RYR3: variants seen among roughly 807,000 people sequenced by gnomAD.
The protein encoded by RYR3 is brain ryanodine receptor-calcium release channel.
A neutral mutation model predicts 584.3 loss-of-function variants in RYR3; 207 were observed. That is an observed-to-expected ratio of 0.35 (90% CI 0.32 to 0.40). The LOEUF is 0.40. Among genes scored for constraint, RYR3 ranks in the 10% least tolerant of loss-of-function variants. RYR3 has a pLI of 1.00. For missense variants in RYR3, 5,616 were observed against 6,089.2 expected, an observed-to-expected ratio of 0.92 and a Z score of 2.59; for synonymous variants, 2,416 against 2,248.5, an observed-to-expected ratio of 1.07 and a Z score of -2.11.
intron 1 of RYR3, among the ~76,000 whole-genome samples, chr15:33,384,189 C>A (rs994415644): frequency 9.2e-5 from 14 of 151,976 alleles, no homozygotes; most frequent in Admixed American, 9.2e-4. Context: ...GCTTTTGGAC[C>A]CAGACCGAGG....
chr15:33,783,717 A>G (rs1596565716), intron 65 of RYR3, among the ~76,000 whole-genome samples: 2 of 152,098 alleles, frequency 1.3e-5, no homozygotes, highest in South Asian at 2.1e-4. Flanking sequence ...TCAAGGTAGA[A>G]TGTTTGACTT....
chr15:33,563,217 C>A (rs932082740), intron 11 of RYR3, among the ~76,000 whole-genome samples: 1 of 152,136 alleles, frequency 6.6e-6, no homozygotes, highest in Non-Finnish European at 1.5e-5. Flanking sequence ...GGGGAAAAAA[C>A]AAATACACAG....
At chr15:33,812,473 G>T (rs1279232393) in intron 72 of RYR3, among the ~76,000 whole-genome samples, 2 of 151,964 alleles carry the variant, frequency 1.3e-5, no homozygotes, top group African/African-American at 4.8e-5. Flanking sequence ...AAGAAGGGGA[G>T]ATGGGTTTGA....
chr15:33,460,940 C>CTTTTTTTTTTT lies in RYR3; in HGVS notation c.52-12467_52-12457dup, dbSNP rs66742049. 3.4e-3 allele frequency among the ~76,000 whole-genome samples: 273 copies of CTTTTTTTTTTT among 79,202 alleles called. 47 individuals carry two copies. Among genetic ancestry groups the CTTTTTTTTTTT allele is most frequent in the African/African-American group, 0.013 (228 of 17,462 alleles). 52.0% of individuals were successfully genotyped at this position (79,202 alleles called of 152,430 possible). A position where few individuals can be genotyped will look rare whatever the true frequency, so the allele number is the denominator to read the frequency against. On this transcript the variant is annotated intron_variant, in intron 1 of 103. Transcript: ENST00000634891. ...GGAATTTGTGGCACATAATATCCAC[C>CTTTTTTTTTTT]TTTTTTTTTTTTTTTTTTTTTTAAG...
chr15:33,657,501 G>T (rs1433269063), intron 32 of RYR3, among the ~76,000 whole-genome samples: 1 of 152,222 alleles, frequency 6.6e-6, no homozygotes, highest in Non-Finnish European at 1.5e-5. Flanking sequence ...CACATATTGG[G>T]CATTTGAGAA....
At chr15:33,745,212 C>A (rs1436576783) in intron 52 of RYR3, among the ~76,000 whole-genome samples, 1 of 152,076 alleles carries the variant, frequency 6.6e-6, no homozygotes, top group Non-Finnish European at 1.5e-5. Flanking sequence ...TCCAGGGGAC[C>A]CACGAGGAGA....
chr15:33,837,627 A>G lies in RYR3; in HGVS notation c.11651-4A>G. 6.4e-7 allele frequency: 1 copy of G among 1,573,838 alleles called. No homozygotes were observed. Among genetic ancestry groups the G allele is most frequent in the Non-Finnish European group, 8.6e-7 (1 of 1,160,034 alleles). ...TTGTATGTCTTTTTGAACCTGCCTC[A>G]CAGGGAATGTGGTAAATGGCACCAT... On this transcript the variant is annotated splice_polypyrimidine_tract_variant and splice_region_variant and intron_variant, in intron 88 of 103. Coordinates refer to ENST00000634891, the MANE Select transcript of RYR3 (RefSeq NM_001036.6).
chr15:33,713,479 G>T (rs970329842), intron 43 of RYR3, among the ~76,000 whole-genome samples: 1 of 151,768 alleles, frequency 6.6e-6, no homozygotes, highest in Non-Finnish European at 1.5e-5. Context: ...GGGTTATAAG[G>T]GTGAGTGTGG....
At chr15:33,525,058 C>T (rs1254646336) in intron 3 of RYR3, among the ~76,000 whole-genome samples, 1 of 152,162 alleles carries the variant, frequency 6.6e-6, no homozygotes, top group East Asian at 1.9e-4. Context: ...CCGTTGCATG[C>T]TAGTTGTTTT....
chr15:33,770,713 C>A (rs1333527571), intron 62 of RYR3, among the ~76,000 whole-genome samples: 1 of 151,810 alleles, frequency 6.6e-6, no homozygotes, highest in African/African-American at 2.4e-5. Context: ...CCAGCCTATG[C>A]AACGGAGTGA....
At chr15:33,409,347 TAAAAA>T (rs35423415) in intron 1 of RYR3, among the ~76,000 whole-genome samples, 12 of 141,824 alleles carry the variant, frequency 8.5e-5, no homozygotes, top group African/African-American at 3.1e-4. Flanking sequence ...TCAAAAAATC[TAAAAA>T]AAAAAAAAAG....
chr15:33,722,517 G>A, intron 43 of RYR3, 198 bp from the exon 44 acceptor site: 2 of 592,922 alleles, frequency 3.4e-6, no homozygotes, highest in Non-Finnish European at 5.9e-6. Flanking sequence ...AGTGAGTGGG[G>A]TTTATAACTA....
intron 2 of RYR3, among the ~76,000 whole-genome samples, chr15:33,481,178 C>T (rs1225359578): frequency 6.6e-6 from 1 of 151,938 alleles, no homozygotes; most frequent in Admixed American, 6.6e-5. Context: ...CAGTTTTTTA[C>T]CTTATGTATG....
intron 10 of RYR3, among the ~76,000 whole-genome samples, chr15:33,561,082 A>C (rs137992323): frequency 1.3e-5 from 2 of 152,390 alleles, no homozygotes; most frequent in Non-Finnish European, 2.9e-5. Context: ...AATGAAAAAT[A>C]AATGTGAAAG....
chr15:33,396,208 T>C (rs954880328), intron 1 of RYR3, among the ~76,000 whole-genome samples: 1 of 152,190 alleles, frequency 6.6e-6, no homozygotes, highest in Non-Finnish European at 1.5e-5. Context: ...CCCAGAATAG[T>C]ATACTTCACT....
chr15:33,704,755 G>A (rs1171405574), intron 42 of RYR3, among the ~76,000 whole-genome samples: 3 of 152,198 alleles, frequency 2.0e-5, no homozygotes, highest in Non-Finnish European at 4.4e-5. Flanking sequence ...GTGTTGCTCA[G>A]CAAAGACATG....
chr15:33,811,865 GT>G (rs1237966039), intron 72 of RYR3, among the ~76,000 whole-genome samples: 1 of 152,148 alleles, frequency 6.6e-6, no homozygotes, highest in African/African-American at 2.4e-5. Context: ...TATTTGAGAT[GT>G]TTTAAAGCCT....
At chr15:33,841,756 T>C (rs1253653307) in intron 90 of RYR3, 108 bp from the exon 91 acceptor site, 1 of 1,132,488 alleles carries the variant, frequency 8.8e-7, no homozygotes, top group African/African-American at 1.6e-5. Flanking sequence ...CAAGGAATGA[T>C]TCTACCTCCC....
At chr15:33,425,838 T>A (rs1467884698) in intron 1 of RYR3, among the ~76,000 whole-genome samples, 3 of 151,976 alleles carry the variant, frequency 2.0e-5, no homozygotes, top group African/African-American at 7.3e-5. Context: ...GAGACGGGGT[T>A]TCACCGTGTT....
Sources: gnomAD v4.1 joint callset for allele counts (sites outside exome capture counted in the v4.1 genomes callset) on GRCh38, gnomAD v4.1.1 for gene constraint, MANE v1.5 for transcripts, NCBI Gene and HGNC (gene_info 2026-07-23, HGNC 2026-07-21) for gene names.